The following MBD3 variants were observed in gnomAD, a reference collection of about 807,000 sequenced individuals.
The protein encoded by MBD3 is methyl-CpG binding domain protein 3.
Under a neutral mutation model 31.2 loss-of-function variants are expected in MBD3, and 13 were observed. That is an observed-to-expected ratio of 0.42 (90% CI 0.27 to 0.66). The LOEUF is 0.66. Ranked by LOEUF, MBD3 falls within the 30% of genes least tolerant of loss-of-function variation. The probability of loss-of-function intolerance (pLI) is 0.26; values close to 1 mark genes in which losing one functional copy is unlikely to be tolerated. For synonymous variants in MBD3, 223 were observed against 187.4 expected, an observed-to-expected ratio of 1.19 and a Z score of -1.55; for missense variants, 440 against 426.5, an observed-to-expected ratio of 1.03 and a Z score of -0.28.
chr19:1,582,357 A>G (rs2060656486), intron 4 of MBD3, among the ~76,000 whole-genome samples: 1 of 152,082 alleles, frequency 6.6e-6, no homozygotes, highest in Non-Finnish European at 1.5e-5. Context: ...GCAGGTGAAA[A>G]CAGCCCCAGG....
At chr19:1,582,217 A>C (rs1276267223) in intron 4 of MBD3, among the ~76,000 whole-genome samples, 1 of 152,146 alleles carries the variant, frequency 6.6e-6, no homozygotes, top group Non-Finnish European at 1.5e-5. Context: ...TGTCTCAAAA[A>C]ACAACCACCA....
chr19:1,584,346 A>G (rs2060667239), intron 3 of MBD3, among the ~76,000 whole-genome samples, 194 bp downstream of exon 3: 1 of 152,150 alleles, frequency 6.6e-6, no homozygotes. Flanking sequence ...CCTCCCCAGA[A>G]GCTGGGACCA....
rs1038745285 is a variant in MBD3, at chr19:1,578,017, G to C, written c.*147C>G. On this transcript the variant is annotated 3_prime_UTR_variant, in exon 7 of 7. Transcript: ENST00000434436. The surrounding 1 kb of genome is among the most constrained non-coding windows in gnomAD (Gnocchi z 6.1). ...CCCCGAGGCCCCGGGAAGTGGGGAC[G>C]GGCCGAGGAGGGAGCCAGGAGCACG... is the stretch of plus-strand genomic sequence containing the variant. 2 of 468,026 alleles carry C rather than the reference G, an allele frequency of 4.3e-6. No individual in the cohort carries two copies. The highest frequency in any genetic ancestry group is 7.8e-6 in the Non-Finnish European group (2 of 255,612). The allele number at this position is 468,026 out of a possible 1,614,324, so 29.0% of individuals were successfully genotyped here. A position where few individuals can be genotyped will look rare whatever the true frequency, so the allele number is the denominator to read the frequency against.
At chr19:1,592,372 G>A in intron 1 of MBD3, 150 bp downstream of exon 1, 1 of 187,198 alleles carries the variant, frequency 5.3e-6, no homozygotes. Context: ...GCCTCCGCGC[G>A]CCGGGCGCAC....
chr19:1,578,586 G>A lies in MBD3; in HGVS notation c.678-48C>T. On this transcript the variant is annotated intron_variant, in intron 5 of 6. Coordinates refer to ENST00000434436, the MANE Select transcript of MBD3 (RefSeq NM_001281453.2). This position sits in a 1 kb window ranked among gnomAD's most constrained non-coding sequence, Gnocchi z 6.1. ...TTACACCAAGGTGAGCGGCCAGCAG[G>A]ACATGGACACAGGATGAACGTGGGG... 5 of 1,607,404 alleles carry A rather than the reference G, an allele frequency of 3.1e-6. No individual in the cohort carries two copies. Among genetic ancestry groups the A allele is most frequent in the South Asian group, 1.1e-5 (1 of 91,042 alleles).
chr19:1,578,162 G>T lies in MBD3; in HGVS notation c.*6-4C>A, dbSNP rs1917254280. The T allele has an allele frequency of 9.7e-7, 1 of 1,025,732 alleles. No homozygotes were observed. Among genetic ancestry groups the T allele is most frequent in the Non-Finnish European group, 1.4e-6 (1 of 708,252 alleles). The allele number at this position is 1,025,732 out of a possible 1,614,324, so 63.5% of individuals were successfully genotyped here. A position where few individuals can be genotyped will look rare whatever the true frequency, so the allele number is the denominator to read the frequency against. ...GCACGGGCTCTCGGCAGGGCCTCTG[G>T]AAAGGACAGGGAGGGCTGGCTTTAG... On this transcript the variant is annotated splice_region_variant and splice_polypyrimidine_tract_variant and intron_variant, in intron 6 of 6. Transcript: ENST00000434436. This position sits in a 1 kb window ranked among gnomAD's most constrained non-coding sequence, Gnocchi z 6.1.
chr19:1,578,194 C>T lies in MBD3; in HGVS notation c.*6-36G>A. ...CAGGGAGGGCTGGCTTTAGCGACTCCACGGGACGGGGACGCTTGGGCTCTT... is the reference window on the plus strand; with the variant it reads ...CAGGGAGGGCTGGCTTTAGCGACTCTACGGGACGGGGACGCTTGGGCTCTT... On this transcript the variant is annotated intron_variant, in intron 6 of 6. Transcript: ENST00000434436. The surrounding 1 kb of genome is among the most constrained non-coding windows in gnomAD (Gnocchi z 6.1). 2 of 1,349,460 alleles carry T rather than the reference C, an allele frequency of 1.5e-6. No homozygotes were observed. Among genetic ancestry groups the T allele is most frequent in the Non-Finnish European group, 2.0e-6 (2 of 979,540 alleles). The allele number at this position is 1,349,460 out of a possible 1,614,324, so 83.6% of individuals were successfully genotyped here.
chr19:1,575,448 G>T lies in MBD3; in HGVS notation c.*2716C>A. ...AAGTCCCAGAAGGTCTTGGGGCTGA[G>T]ACATGGGCGGGGCTGGGGGCAGCCA... On this transcript the variant is annotated 3_prime_UTR_variant, in exon 7 of 7. Coordinates refer to ENST00000434436, the MANE Select transcript of MBD3 (RefSeq NM_001281453.2). 3.2e-6 allele frequency: 1 copy of T among 313,822 alleles called. No individual in the cohort carries two copies. Among genetic ancestry groups the T allele is most frequent in the Non-Finnish European group, 6.4e-6 (1 of 156,420 alleles). The allele number at this position is 313,822 out of a possible 1,614,324, so 19.4% of individuals were successfully genotyped here. A position where few individuals can be genotyped will look rare whatever the true frequency, so the allele number is the denominator to read the frequency against.
rs375145153 is a variant in MBD3 at position 1,575,411 on chromosome 19, T to TAAA, written c.*2750_*2752dup. On this transcript the variant is annotated 3_prime_UTR_variant, in exon 7 of 7. Coordinates refer to ENST00000434436, the MANE Select transcript of MBD3 (RefSeq NM_001281453.2). ...GCGAAAGAAGAGCGAAACTCTTGTC[T>TAAA]AAAAAAAAAAAAAGTCCCAGAAGGT... is the stretch of plus-strand genomic sequence containing the variant. 27 of 268,700 alleles carry TAAA rather than the reference T, an allele frequency of 1.0e-4. No homozygotes were observed. The highest frequency in any genetic ancestry group is 4.7e-4 in the Middle Eastern group (1 of 2,114). The allele number at this position is 268,700 out of a possible 1,614,324, so 16.6% of individuals were successfully genotyped here.
chr19:1,575,893 T>A lies in MBD3; in HGVS notation c.*2271A>T, dbSNP rs1361949924. 1 of 152,184 alleles carries A rather than the reference T, an allele frequency of 6.6e-6. No homozygotes were observed. Among genetic ancestry groups the A allele is most frequent in the Non-Finnish European group, 1.5e-5 (1 of 68,138 alleles). The allele number at this position is 152,184 out of a possible 1,614,324, so 9.4% of individuals were successfully genotyped here. ...TGTGGCAGGGGTAGGGATCATCACATCTCAGACCAAGGCCAGGACATGGCC... is the reference window on the plus strand; with the variant it reads ...TGTGGCAGGGGTAGGGATCATCACAACTCAGACCAAGGCCAGGACATGGCC... On this transcript the variant is annotated 3_prime_UTR_variant, in exon 7 of 7. Transcript: ENST00000434436.
intron 1 of MBD3, among the ~76,000 whole-genome samples, chr19:1,589,166 G>A (rs192442615): frequency 7.0e-6 from 1 of 142,178 alleles, no homozygotes; most frequent in Non-Finnish European, 1.5e-5. Flanking sequence ...ACCCCATCTC[G>A]ACTAAAAATA....
At chr19:1,584,934 C>T in intron 2 of MBD3, 121 bp downstream of exon 2, 1 of 1,395,172 alleles carries the variant, frequency 7.2e-7, no homozygotes, top group Admixed American at 2.0e-5. Flanking sequence ...TCTGTGCCCT[C>T]CGCCCGCTGT....
chr19:1,582,795 AC>A (rs959250576), intron 3 of MBD3, 83 bp from the exon 4 acceptor site: 1 of 1,258,070 alleles, frequency 7.9e-7, no homozygotes, highest in Non-Finnish European at 1.1e-6. Context: ...AGGGAGGCCC[AC>A]CTGGCCTCCT....
In MBD3 at chr19:1,578,970, G is replaced by A. The variant is rs529261939; in HGVS notation, c.678-432C>T. On this transcript the variant is annotated intron_variant, in intron 5 of 6. Transcript: ENST00000434436. This position sits in a 1 kb window ranked among gnomAD's most constrained non-coding sequence, Gnocchi z 6.1. ...AGGCCGAGGTGGGCAGATCACTTGA[G>A]GTCAGGCGTTCGAGACCAGCCTGAC... Among the ~76,000 whole-genome samples, 179 of 152,130 alleles carry A rather than the reference G, an allele frequency of 1.2e-3. 3 individuals carry two copies. In the Middle Eastern group the frequency reaches 0.034, roughly 29 times the overall value.
At chr19:1,582,601 C>T (rs1466224623) in intron 4 of MBD3, 21 bp downstream of exon 4, 2 of 1,610,710 alleles carry the variant, frequency 1.2e-6, no homozygotes, top group African/African-American at 1.3e-5. Flanking sequence ...CCTTCCGCCT[C>T]CCCTCAGGGT....
rs976357999 is a variant in MBD3, at chr19:1,575,568, G to A, written c.*2596C>T. ...CAGCATTGGGAGCTCAGGCTTCCCC[G>A]CCCCATGCCAGGTCTGGGTTCTGGG... On this transcript the variant is annotated 3_prime_UTR_variant, in exon 7 of 7. Coordinates refer to ENST00000434436, the MANE Select transcript of MBD3 (RefSeq NM_001281453.2). 13 of 189,664 alleles carry A rather than the reference G, an allele frequency of 6.9e-5. 1 individual carries two copies. The highest frequency in any genetic ancestry group is 2.0e-3 in the Middle Eastern group (1 of 492). The allele number at this position is 189,664 out of a possible 1,614,324, so 11.7% of individuals were successfully genotyped here. A position where few individuals can be genotyped will look rare whatever the true frequency, so the allele number is the denominator to read the frequency against.
intron 4 of MBD3, 149 bp downstream of exon 4, chr19:1,582,473 C>G: frequency 1.4e-6 from 1 of 726,752 alleles, no homozygotes; most frequent in East Asian, 2.7e-5. Context: ...CCCACTGGGT[C>G]CCCTCCTCCT....
At chr19:1,581,015 G>C (rs1437602638) in intron 5 of MBD3, 77 bp downstream of exon 5, 3 of 1,562,110 alleles carry the variant, frequency 1.9e-6, no homozygotes, top group East Asian at 4.5e-5. Flanking sequence ...GAAGCACGCA[G>C]GCACACGGGG....
chr19:1,578,584 A>G lies in MBD3; in HGVS notation c.678-46T>C, dbSNP rs1341885085. 2 of 1,607,782 alleles carry G rather than the reference A, an allele frequency of 1.2e-6. No homozygotes were observed. Among genetic ancestry groups the G allele is most frequent in the Non-Finnish European group, 1.7e-6 (2 of 1,179,858 alleles). On this transcript the variant is annotated intron_variant, in intron 5 of 6. Coordinates refer to ENST00000434436, the MANE Select transcript of MBD3 (RefSeq NM_001281453.2). The surrounding 1 kb of genome is among the most constrained non-coding windows in gnomAD (Gnocchi z 6.1). ...CGTTACACCAAGGTGAGCGGCCAGC[A>G]GGACATGGACACAGGATGAACGTGG...
Sources: allele counts gnomAD v4.1 joint callset (sites outside exome capture counted in the v4.1 genomes callset), GRCh38; gene constraint gnomAD v4.1.1; non-coding constraint Gnocchi (gnomAD v3.1); transcripts MANE v1.5; gene names NCBI Gene and HGNC (gene_info 2026-07-23, HGNC 2026-07-21).